The following KIAA1217 variants were observed in gnomAD, a reference collection of about 807,000 sequenced individuals.
KIAA1217 encodes sickle tail protein homolog.
Under a neutral mutation model 163.9 loss-of-function variants are expected in KIAA1217, and 88 were observed. The ratio of observed to expected loss-of-function variants is 0.54; its 90% confidence interval spans 0.45 to 0.64. KIAA1217 has a LOEUF of 0.64. KIAA1217 is among the 30% of genes least tolerant of loss of function. KIAA1217 has a pLI of 0.00. For missense variants in KIAA1217, 2,372 were observed against 2,475.0 expected, an observed-to-expected ratio of 0.96 and a Z score of 0.88; for synonymous variants, 903 against 923.1, an observed-to-expected ratio of 0.98 and a Z score of 0.39.
At chr10:24,207,282 T>TCTCTCA (rs529791287), upstream of KIAA1217, among the ~76,000 whole-genome samples, 1 of 140,236 alleles carries the variant, frequency 7.1e-6, no homozygotes, top group African/African-American at 2.9e-5. Flanking sequence ...TCTCTCTCTC[T>TCTCTCA]CACACACACA....
At chr10:23,851,329 C>A (rs1316042900) in intron 1 of KIAA1217, among the ~76,000 whole-genome samples, 1 of 152,060 alleles carries the variant, frequency 6.6e-6, no homozygotes, top group Admixed American at 6.5e-5. Context: ...CATGTCCCTA[C>A]AAAGGACATG....
At chr10:24,156,574 A>T (rs2131873538) in intron 2 of KIAA1217, among the ~76,000 whole-genome samples, 1 of 152,290 alleles carries the variant, frequency 6.6e-6, no homozygotes, top group East Asian at 1.9e-4. Flanking sequence ...TCACCTGCCA[A>T]CATCACTTTT....
chr10:23,969,119 C>T (rs1845193405), intron 1 of KIAA1217, among the ~76,000 whole-genome samples: 1 of 152,194 alleles, frequency 6.6e-6, no homozygotes, highest in African/African-American at 2.4e-5. Flanking sequence ...ACTGCAACCT[C>T]TGCCTCCCAG....
rs1554843363 is a variant in KIAA1217, at chr10:24,390,475, G to GGGAGGGAAGGAAGGAAGGAAGGCA, written c.553+9411_553+9412insGGGAAGGAAGGAAGGAAGGCAGGA. 7.9e-3 allele frequency among the ~76,000 whole-genome samples: 850 copies of GGGAGGGAAGGAAGGAAGGAAGGCA among 107,166 alleles called. 80 individuals are homozygous for GGGAGGGAAGGAAGGAAGGAAGGCA. Among genetic ancestry groups the GGGAGGGAAGGAAGGAAGGAAGGCA allele is most frequent in the African/African-American group, 0.032 (792 of 24,510 alleles). 70.3% of individuals were successfully genotyped at this position (107,166 alleles called of 152,430 possible). On this transcript the variant is annotated intron_variant, in intron 3 of 20. Transcript: ENST00000376454. Reference sequence around the variant, plus strand: ...GGGGAAAAAAGGAGGGAGGGAGGGAGGGAAGGAAGGAAGGAAGGAAGGAAG... The same window carrying GGGAGGGAAGGAAGGAAGGAAGGCA: ...GGGGAAAAAAGGAGGGAGGGAGGGAGGGAGGGAAGGAAGGAAGGAAGGCAGGAAGGAAGGAAGGAAGGAAGGAAG...
intron 1 of KIAA1217, among the ~76,000 whole-genome samples, chr10:23,784,875 AC>A (rs1255855373): frequency 6.6e-6 from 1 of 151,876 alleles, no homozygotes; most frequent in Non-Finnish European, 1.5e-5. Flanking sequence ...TAACTCACAG[AC>A]CTTTTCCCCT....
intron 1 of KIAA1217, among the ~76,000 whole-genome samples, chr10:23,979,274 C>T (rs546583305): frequency 6.6e-6 from 1 of 152,302 alleles, no homozygotes; most frequent in African/African-American, 2.4e-5. Flanking sequence ...GCAAACACAG[C>T]GTCCTAAAGA....
chr10:24,223,807 C>A (rs192861164), intron 2 of KIAA1217, among the ~76,000 whole-genome samples: 2 of 150,510 alleles, frequency 1.3e-5, no homozygotes, highest in African/African-American at 4.9e-5. Flanking sequence ...TCAACCTCCG[C>A]GGCTCAAGCA....
intron 2 of KIAA1217, among the ~76,000 whole-genome samples, chr10:24,300,927 C>T (rs549107874): frequency 7.2e-5 from 11 of 152,248 alleles, no homozygotes; most frequent in Admixed American, 7.2e-4. Flanking sequence ...ATTCTCATGC[C>T]TCTGCCTTCC....
At chr10:23,887,529 A>T (rs1406502421) in intron 1 of KIAA1217, among the ~76,000 whole-genome samples, 1 of 151,850 alleles carries the variant, frequency 6.6e-6, no homozygotes, top group East Asian at 2.0e-4. Flanking sequence ...AGAAAAACAA[A>T]ATTATATTTG....
intron 1 of KIAA1217, among the ~76,000 whole-genome samples, chr10:23,960,335 C>T (rs59862049): frequency 0.015 from 2,327 of 151,590 alleles, 55 homozygotes; most frequent in African/African-American, 0.054. Flanking sequence ...CTCGGCTTAC[C>T]GCAACCTCTG....
chr10:24,394,680 G>A (rs969224838), intron 3 of KIAA1217, among the ~76,000 whole-genome samples: 2 of 151,992 alleles, frequency 1.3e-5, no homozygotes, highest in African/African-American at 2.4e-5. Flanking sequence ...CAGCCACCCC[G>A]GACTCCTGGC....
chr10:24,159,505 G>A (rs1300426010), intron 2 of KIAA1217, among the ~76,000 whole-genome samples: 2 of 152,064 alleles, frequency 1.3e-5, no homozygotes, highest in African/African-American at 4.8e-5. Context: ...GAAGGCTGGG[G>A]GTGGTGACTC....
intron 3 of KIAA1217, among the ~76,000 whole-genome samples, chr10:24,411,093 T>G (rs1346236888): frequency 1.3e-5 from 2 of 152,194 alleles, no homozygotes; most frequent in East Asian, 3.8e-4. Context: ...ACTGTGCATG[T>G]CAGATTAGGG....
chr10:24,331,703 G>A lies in KIAA1217; in HGVS notation c.355-49166G>A, dbSNP rs190400204. Among the ~76,000 whole-genome samples, 387 of 152,344 alleles carry A rather than the reference G, an allele frequency of 2.5e-3. 1 individual carries two copies. Among genetic ancestry groups the A allele is most frequent in the African/African-American group, 8.9e-3 (370 of 41,582 alleles). On this transcript the variant is annotated intron_variant, in intron 2 of 20. Coordinates refer to ENST00000376454, the MANE Select transcript of KIAA1217 (RefSeq NM_019590.5). Reference sequence around the variant, plus strand: ...GGAAAGCTCAGGCAGGAAATGAGAAGCAAATTTCAAAACACCTCAAGGGAA... The same window carrying A: ...GGAAAGCTCAGGCAGGAAATGAGAAACAAATTTCAAAACACCTCAAGGGAA...
At chr10:23,951,915 G>C (rs565971414) in intron 1 of KIAA1217, among the ~76,000 whole-genome samples, 4 of 152,228 alleles carry the variant, frequency 2.6e-5, no homozygotes, top group African/African-American at 7.2e-5. Flanking sequence ...GGTATAGGCT[G>C]GGACCAAGGT....
chr10:23,838,131 A>C (rs976537130), intron 1 of KIAA1217, among the ~76,000 whole-genome samples: 2 of 152,116 alleles, frequency 1.3e-5, no homozygotes, highest in African/African-American at 4.8e-5. Context: ...GGGCATGTGG[A>C]GATTGTTTCT....
At chr10:24,026,287 G>C (rs1376095608) in intron 2 of KIAA1217, among the ~76,000 whole-genome samples, 1 of 151,844 alleles carries the variant, frequency 6.6e-6, no homozygotes, top group Non-Finnish European at 1.5e-5. Context: ...GCCTCAGACT[G>C]AGTTAGAAAG....
intron 2 of KIAA1217, among the ~76,000 whole-genome samples, chr10:24,113,414 A>G (rs1197366653): frequency 2.6e-5 from 4 of 152,162 alleles, no homozygotes; most frequent in African/African-American, 9.7e-5. Context: ...TGCCACCTCA[A>G]CAACACCAAA....
intron 1 of KIAA1217, among the ~76,000 whole-genome samples, chr10:23,918,737 C>T (rs57676951): frequency 0.18 from 24,158 of 133,576 alleles, 2,080 homozygotes; most frequent in East Asian, 0.29. Flanking sequence ...AATATATACA[C>T]ACACACACAC....
Sources: gnomAD v4.1 joint callset for allele counts (sites outside exome capture counted in the v4.1 genomes callset) on GRCh38, gnomAD v4.1.1 for gene constraint, MANE v1.5 for transcripts, NCBI Gene and HGNC (gene_info 2026-07-23, HGNC 2026-07-21) for gene names.